Variants in VWC2 observed in about 807,000 individuals in gnomAD.
VWC2 encodes brorin.
Under a neutral mutation model 29.8 loss-of-function variants are expected in VWC2, and 14 were observed. The observed-to-expected ratio is 0.47, with a 90% confidence interval of 0.31 to 0.74. The LOEUF is 0.74. Ranked by LOEUF, VWC2 falls within the 30% of genes least tolerant of loss-of-function variation. The pLI, the probability that VWC2 is intolerant of heterozygous loss-of-function variation, is 0.05. For missense variants in VWC2, 457 were observed against 459.8 expected, an observed-to-expected ratio of 0.99 and a Z score of 0.05; for synonymous variants, 213 against 199.0, an observed-to-expected ratio of 1.07 and a Z score of -0.59.
intron 3 of VWC2, among the ~76,000 whole-genome samples, chr7:49,908,830 T>C (rs1428016857): frequency 2.6e-5 from 4 of 152,168 alleles, no homozygotes; most frequent in Admixed American, 2.0e-4. Flanking sequence ...ATTAGCCAAA[T>C]TTTGGATAAT....
At chr7:49,816,151 G>A (rs1394188452) in intron 3 of VWC2, among the ~76,000 whole-genome samples, 1 of 152,178 alleles carries the variant, frequency 6.6e-6, no homozygotes, top group Non-Finnish European at 1.5e-5. Context: ...GAAAGTGTGA[G>A]GCAGGGATGT....
At chr7:49,819,579 G>A (rs1252728009) in intron 3 of VWC2, among the ~76,000 whole-genome samples, 1 of 152,228 alleles carries the variant, frequency 6.6e-6, no homozygotes, top group Non-Finnish European at 1.5e-5. Flanking sequence ...CAAGTTAAGA[G>A]AAACCAACAA....
chr7:49,805,914 C>G (rs76734759), intron 3 of VWC2, among the ~76,000 whole-genome samples: 5,356 of 152,286 alleles, frequency 0.035, 322 homozygotes, highest in African/African-American at 0.12. Context: ...CAGTTGCTAG[C>G]TGCCAAAGTC....
chr7:49,875,369 CAAAAAAAAAAAA>C lies in VWC2; in HGVS notation c.827-36648_827-36637del, dbSNP rs71018432. On this transcript the variant is annotated intron_variant, in intron 3 of 3. Coordinates refer to ENST00000340652, the MANE Select transcript of VWC2 (RefSeq NM_198570.5). ...TGGGTAACAGAGTGAGATTCTGACT[CAAAAAAAAAAAA>C]AAAAAAAAAAAAAAAACAGGAATAA... Among the ~76,000 whole-genome samples the C allele has an allele frequency of 1.3e-3, 24 of 19,016 alleles. 1 individual carries two copies. In the Admixed American group the frequency reaches 0.014, roughly 11 times the overall value. The allele number at this position is 19,016 out of a possible 152,430, so 12.5% of individuals were successfully genotyped here. A position where few individuals can be genotyped will look rare whatever the true frequency, so the allele number is the denominator to read the frequency against.
At chr7:49,839,614 A>T (rs1201999507) in intron 3 of VWC2, among the ~76,000 whole-genome samples, 1 of 152,196 alleles carries the variant, frequency 6.6e-6, no homozygotes, top group Non-Finnish European at 1.5e-5. Context: ...GCCAAAAAAA[A>T]AAAAGAGGTT....
chr7:49,795,475 C>T lies in VWC2; in HGVS notation c.697-7236C>T, dbSNP rs550278082. 1.2e-3 allele frequency among the ~76,000 whole-genome samples: 190 copies of T among 152,294 alleles called. 1 individual carries two copies. Among genetic ancestry groups the T allele is most frequent in the African/African-American group, 4.4e-3 (182 of 41,560 alleles). On this transcript the variant is annotated intron_variant, in intron 2 of 3. Transcript: ENST00000340652. ...ATTCACTTTCCACACAGCCTTCACA[C>T]ACCATCGGTCCCTTCTTTAAAGTCA...
intron 3 of VWC2, among the ~76,000 whole-genome samples, chr7:49,830,695 T>C (rs970637554): frequency 6.6e-6 from 1 of 151,960 alleles, no homozygotes; most frequent in African/African-American, 2.4e-5. Context: ...CAGGCCTCGG[T>C]GTGTGATGCT....
intron 2 of VWC2, 99 bp downstream of exon 2, chr7:49,776,230 T>C: frequency 9.1e-7 from 1 of 1,095,082 alleles, no homozygotes; most frequent in South Asian, 1.6e-5. Flanking sequence ...AGGTGCTCTC[T>C]GGTTCTGAGA....
chr7:49,903,759 A>G (rs1469082282), intron 3 of VWC2, among the ~76,000 whole-genome samples: 2 of 152,230 alleles, frequency 1.3e-5, no homozygotes, highest in Non-Finnish European at 2.9e-5. Context: ...GTCTTGCTCC[A>G]GGAAAATTTA....
intron 3 of VWC2, among the ~76,000 whole-genome samples, chr7:49,905,970 A>G (rs1793065103): frequency 6.6e-6 from 1 of 152,204 alleles, no homozygotes; most frequent in Non-Finnish European, 1.5e-5. Flanking sequence ...ATATGGTCTA[A>G]AAAGGGGAGG....
At chr7:49,900,039 C>G (rs28804180) in intron 3 of VWC2, among the ~76,000 whole-genome samples, 1 of 151,710 alleles carries the variant, frequency 6.6e-6, no homozygotes, top group Non-Finnish European at 1.5e-5. Flanking sequence ...TCCCCAAATA[C>G]TTGAATGTTA....
chr7:49,848,666 C>A (rs187266376), intron 3 of VWC2, among the ~76,000 whole-genome samples: 35 of 152,328 alleles, frequency 2.3e-4, no homozygotes, highest in Non-Finnish European at 4.1e-4. Flanking sequence ...CATTGACTGT[C>A]GTTTCTCACC....
chr7:49,775,427 T>A lies in VWC2; in HGVS notation c.-9T>A. On this transcript the variant is annotated 5_prime_UTR_variant, in exon 2 of 4. Coordinates refer to ENST00000340652, the MANE Select transcript of VWC2 (RefSeq NM_198570.5). ...CCCCGCCCGCCCGCCCGCCGGGACG[T>A]GGTAGGGGATGCCCAGCTCCACTGC... 7.6e-6 allele frequency: 3 copies of A among 392,912 alleles called. No individual in the cohort carries two copies. Among genetic ancestry groups the A allele is most frequent in the Non-Finnish European group, 1.2e-5 (3 of 248,262 alleles). 24.3% of individuals were successfully genotyped at this position (392,912 alleles called of 1,614,324 possible). A position where few individuals can be genotyped will look rare whatever the true frequency, so the allele number is the denominator to read the frequency against.
chr7:49,776,477 C>A (rs1274523568), intron 2 of VWC2, among the ~76,000 whole-genome samples: 1 of 152,184 alleles, frequency 6.6e-6, no homozygotes, highest in Non-Finnish European at 1.5e-5. Context: ...AAATTCTTAA[C>A]CTGCTTTCAA....
At chr7:49,887,589 T>C (rs754713368) in intron 3 of VWC2, among the ~76,000 whole-genome samples, 2 of 152,180 alleles carry the variant, frequency 1.3e-5, no homozygotes, top group South Asian at 4.1e-4. Context: ...GATAATCAGA[T>C]GTCAATGGCA....
chr7:49,884,415 TA>T (rs955384404), intron 3 of VWC2, among the ~76,000 whole-genome samples: 17 of 152,252 alleles, frequency 1.1e-4, no homozygotes, highest in African/African-American at 3.8e-4. Context: ...TCTCCTTGAC[TA>T]AAATTGGGGG....
intron 2 of VWC2, among the ~76,000 whole-genome samples, chr7:49,797,245 C>A (rs1226198617): frequency 6.6e-6 from 1 of 152,158 alleles, no homozygotes; most frequent in Non-Finnish European, 1.5e-5. Flanking sequence ...TGTTCCTTAG[C>A]TCGTACTTTC....
Position 49,916,122 on chromosome 7 carries a change from T to A in VWC2, c.*3937T>A, listed in dbSNP as rs993890165. ...GATTAAACAGCCTACTTATGTCATATCCTCACTTCACACCAACTTCTTCAG... is the reference window on the plus strand; with the variant it reads ...GATTAAACAGCCTACTTATGTCATAACCTCACTTCACACCAACTTCTTCAG... On this transcript the variant is annotated 3_prime_UTR_variant, in exon 4 of 4. Coordinates refer to ENST00000340652, the MANE Select transcript of VWC2 (RefSeq NM_198570.5). 6.6e-6 allele frequency: 1 copy of A among 152,220 alleles called. No homozygotes were observed. Among genetic ancestry groups the A allele is most frequent in the East Asian group, 1.9e-4 (1 of 5,206 alleles). 9.4% of individuals were successfully genotyped at this position (152,220 alleles called of 1,614,324 possible). A position where few individuals can be genotyped will look rare whatever the true frequency, so the allele number is the denominator to read the frequency against.
chr7:49,818,157 T>C (rs1254837812), intron 3 of VWC2, among the ~76,000 whole-genome samples: 3 of 152,178 alleles, frequency 2.0e-5, no homozygotes, highest in Non-Finnish European at 4.4e-5. Context: ...GAAGGCAGAT[T>C]GGGAAGTGAT....
Sources: gnomAD v4.1 joint callset for allele counts (sites outside exome capture counted in the v4.1 genomes callset) on GRCh38, gnomAD v4.1.1 for gene constraint, MANE v1.5 for transcripts, NCBI Gene and HGNC (gene_info 2026-07-23, HGNC 2026-07-21) for gene names.